The following TMEM160 variants were observed in gnomAD, a reference collection of about 807,000 sequenced individuals.
TMEM160 encodes transmembrane protein 160.
TMEM160 carries 10 observed loss-of-function variants against 13.9 expected under a neutral mutation model. That is an observed-to-expected ratio of 0.72 (90% CI 0.45 to 1.22). The LOEUF is 1.22. TMEM160 is among the 50% of genes most tolerant of loss of function. TMEM160 has a pLI of 0.00. For synonymous variants in TMEM160, 159 were observed against 134.8 expected (o/e 1.18, Z -1.25); for missense variants, 287 against 283.2 (o/e 1.01, Z -0.10).
intron 2 of TMEM160, 109 bp from the exon 3 acceptor site, chr19:47,046,361 T>A: frequency 7.5e-7 from 1 of 1,338,072 alleles, no homozygotes; most frequent in Non-Finnish European, 1.0e-6. Flanking sequence ...GGGGCTAGCC[T>A]GCATCTTTGA....
intron 1 of TMEM160, chr19:47,047,949 C>G: frequency 1.0e-6 from 1 of 985,032 alleles, no homozygotes; most frequent in African/African-American, 1.7e-5. Context: ...TCACCTCCCC[C>G]TCCAATCAGC....
rs773515396 is a variant in TMEM160, at chr19:47,048,544, G to A, written c.71C>T (p.Pro24Leu). 2.7e-6 allele frequency: 4 copies of A among 1,503,920 alleles called. No homozygotes were observed. Among genetic ancestry groups the A allele is most frequent in the African/African-American group, 2.9e-5 (2 of 69,174 alleles). 93.2% of individuals were successfully genotyped at this position (1,503,920 alleles called of 1,614,324 possible). A position where few individuals can be genotyped will look rare whatever the true frequency, so the allele number is the denominator to read the frequency against. Residue 24 changes from proline to leucine, a missense_variant, in exon 1 of 3, where the codon CCG (proline) becomes CTG (leucine). Physicochemically the swap from Pro to Leu is moderately conservative, Grantham distance 98. Transcript: ENST00000253047. Reference protein sequence around the residue: ...ARLRFRRSLLPPQRPRSGGAR... With the variant: ...ARLRFRRSLLLPQRPRSGGAR... ...GCCCCCGCTCCGGGGCCGCTGAGGCGGCAGTAGCGACCTCCGGAAGCGAAG... is the reference window on the plus strand; with the variant it reads ...GCCCCCGCTCCGGGGCCGCTGAGGCAGCAGTAGCGACCTCCGGAAGCGAAG...
In TMEM160 at chr19:47,046,091, G is replaced by A; in HGVS notation, c.463C>T (p.Leu155Phe). ...TCCAGCTCCAGCTGCCCCATGTAGAGGCCCACGGCGCACGCCCAGAGCAGG... is the reference window on the plus strand; with the variant it reads ...TCCAGCTCCAGCTGCCCCATGTAGAAGCCCACGGCGCACGCCCAGAGCAGG... ...ASLLWACAVGLYMGQLELDVE... is the reference protein window; with the variant it reads ...ASLLWACAVGFYMGQLELDVE... Residue 155 changes from leucine (L) to phenylalanine (F), a missense_variant, in exon 3 of 3, where the codon CTC (leucine) becomes TTC (phenylalanine). Coordinates refer to ENST00000253047, the MANE Select transcript of TMEM160 (RefSeq NM_017854.2). The A allele has an allele frequency of 6.5e-7, 1 of 1,538,874 alleles. No individual in the cohort carries two copies. The highest frequency in any genetic ancestry group is 8.7e-7 in the Non-Finnish European group (1 of 1,148,550).
intron 2 of TMEM160, 71 bp downstream of exon 2, chr19:47,046,522 C>T: frequency 7.6e-7 from 1 of 1,314,954 alleles, no homozygotes; most frequent in Non-Finnish European, 1.1e-6. Flanking sequence ...AGAGTCTACT[C>T]TCACCAGGGC....
At chr19:47,046,816 C>A in intron 1 of TMEM160, 131 bp from the exon 2 acceptor site, 1 of 688,270 alleles carries the variant, frequency 1.5e-6, no homozygotes, top group East Asian at 2.7e-5. Context: ...CAAGCCCATC[C>A]CAAATCCTCA....
At position 47,048,392 on chromosome 19, in the gene TMEM160, C is replaced by A. The variant is rs1384255091; in HGVS notation, c.208+15G>T. On this transcript the variant is annotated intron_variant, in intron 1 of 2. Transcript: ENST00000253047. ...CCCCGTCCCATCCGCACCGCCCCCA[C>A]CCCTAGCCACCGACCTGTCTCGTGC... 15 of 1,491,828 alleles carry A rather than the reference C, an allele frequency of 1.0e-5. No individual in the cohort carries two copies. Among genetic ancestry groups the A allele is most frequent in the Non-Finnish European group, 1.2e-5 (14 of 1,129,436 alleles). 92.4% of individuals were successfully genotyped at this position (1,491,828 alleles called of 1,614,324 possible).
intron 1 of TMEM160, chr19:47,047,926 T>C (rs1254543518): frequency 5.1e-6 from 5 of 983,972 alleles, no homozygotes; most frequent in South Asian, 9.4e-5. Flanking sequence ...AGCCCCGCCC[T>C]CTGCAGCCTA....
intron 1 of TMEM160, 34 bp downstream of exon 1, chr19:47,048,373 C>T (rs2057092146): frequency 6.8e-7 from 1 of 1,461,964 alleles, no homozygotes; most frequent in Non-Finnish European, 9.0e-7. Context: ...GGACCCCCGT[C>T]CCATCCGCAC....
At chr19:47,047,650 G>C in intron 1 of TMEM160, 2 of 901,494 alleles carry the variant, frequency 2.2e-6, no homozygotes, top group African/African-American at 3.6e-5. Flanking sequence ...CAAGAGTTCA[G>C]ACCAGCCTGG....
intron 2 of TMEM160, 36 bp from the exon 3 acceptor site, chr19:47,046,288 C>G (rs1230920405): frequency 6.6e-7 from 1 of 1,512,816 alleles, no homozygotes; most frequent in East Asian, 2.5e-5. Flanking sequence ...GGGCCAAGGT[C>G]GGGGGATGGT....
intron 1 of TMEM160, chr19:47,047,367 G>C: frequency 1.0e-6 from 1 of 984,350 alleles, no homozygotes; most frequent in African/African-American, 1.8e-5. Flanking sequence ...AGAACTCTGG[G>C]ACAAACTGTT....
Position 47,046,000 on chromosome 19 carries a change from G to A in TMEM160, c.554C>T (p.Pro185Leu). 1.3e-6 allele frequency: 2 copies of A among 1,537,382 alleles called. No individual in the cohort carries two copies. The highest frequency in any genetic ancestry group is 1.7e-6 in the Non-Finnish European group (2 of 1,148,138). Residue 185 changes from proline (P) to leucine (L), a missense_variant, in exon 3 of 3, where the codon CCG (proline) becomes CTG (leucine). By Grantham distance (98) the Pro-to-Leu change is moderately conservative. Coordinates refer to ENST00000253047, the MANE Select transcript of TMEM160 (RefSeq NM_017854.2). Reference protein sequence around the residue: ...SAEGPDEAGRPPPE With the variant: ...SAEGPDEAGRLPPE ...CGGCCGTGTCGCTCACTCGGGTGGC[G>A]GCCGACCCGCCTCATCAGGGCCTTC...
rs751013454 is a variant in TMEM160 at position 47,046,574 on chromosome 19, AG to A, written c.301+18del. On this transcript the variant is annotated intron_variant, in intron 2 of 2. Coordinates refer to ENST00000253047, the MANE Select transcript of TMEM160 (RefSeq NM_017854.2). ...GCATTCCCTGGTTCCGTGGGGCGAG[AG>A]GGGGGGTCTGCACTCACCATATGCT... 26 of 1,587,178 alleles carry A rather than the reference AG, an allele frequency of 1.6e-5. No individual in the cohort carries two copies. The highest frequency in any genetic ancestry group is 5.1e-5 in the Admixed American group (3 of 59,068).
In TMEM160 at chr19:47,046,232, G is replaced by C. The variant is rs1177913196; in HGVS notation, c.322C>G (p.Leu108Val). The C allele has an allele frequency of 3.3e-6, 5 of 1,536,850 alleles. No individual in the cohort carries two copies. In the South Asian group the frequency reaches 4.8e-5, roughly 15 times the overall value. Reference protein sequence around the residue: ...AAYGFFLLGGLCVVWGSASYA... With the variant: ...AAYGFFLLGGVCVVWGSASYA... The stretch of plus-strand genomic sequence containing the variant: ...GAGGCGCTGCCCCACACCACGCACA[G>C]GCCGCCCAGCAGGAAGAAGCCTGCG... The change falls in exon 3 of 3, where the codon CTG (leucine) becomes GTG (valine). Residue 108 changes from leucine to valine, a missense_variant. By Grantham distance (32) the Leu-to-Val change is conservative. Coordinates refer to ENST00000253047, the MANE Select transcript of TMEM160 (RefSeq NM_017854.2).
Position 47,048,575 on chromosome 19 carries a change from C to A in TMEM160, c.40G>T (p.Ala14Ser), listed in dbSNP as rs1165299355. The A allele has an allele frequency of 7.2e-6, 11 of 1,522,028 alleles. No individual in the cohort carries two copies. The highest frequency in any genetic ancestry group is 4.0e-5 in the Admixed American group (2 of 50,126). The allele number at this position is 1,522,028 out of a possible 1,614,324, so 94.3% of individuals were successfully genotyped here. A position where few individuals can be genotyped will look rare whatever the true frequency, so the allele number is the denominator to read the frequency against. Residue 14 changes from alanine (A) to serine (S), a missense_variant, in exon 1 of 3, where the codon GCC becomes TCC. Coordinates refer to ENST00000253047, the MANE Select transcript of TMEM160 (RefSeq NM_017854.2). The stretch of plus-strand genomic sequence containing the variant: ...AGCGACCTCCGGAAGCGAAGACGGG[C>A]AAGGCGAGCGGCCCGAGCCCACCAC... ...GWWWARAARL[A>S]RLRFRRSLLP...
chr19:47,047,542 A>C (rs2057087255), intron 1 of TMEM160: 1 of 971,618 alleles, frequency 1.0e-6, no homozygotes, highest in African/African-American at 2.2e-5. Context: ...ACAGCCCACC[A>C]CACCCTATAT....
chr19:47,046,946 T>C (rs1340758503), intron 1 of TMEM160, among the ~76,000 whole-genome samples: 1 of 152,196 alleles, frequency 6.6e-6, no homozygotes, highest in African/African-American at 2.4e-5. Context: ...GTGTGGTGGC[T>C]CACCCCTGTA....
rs752067360 is a variant in TMEM160, at chr19:47,048,363, G to A, written c.208+44C>T. Reference sequence around the variant, plus strand: ...CCCATCAAGGTCCCACGCGAGCCCGGGACCCCCGTCCCATCCGCACCGCCC... The same window carrying A: ...CCCATCAAGGTCCCACGCGAGCCCGAGACCCCCGTCCCATCCGCACCGCCC... On this transcript the variant is annotated intron_variant, in intron 1 of 2. Coordinates refer to ENST00000253047, the MANE Select transcript of TMEM160 (RefSeq NM_017854.2). 1.0e-5 allele frequency: 15 copies of A among 1,440,462 alleles called. No homozygotes were observed. In the South Asian group the frequency reaches 1.6e-4, roughly 15 times the overall value. The allele number at this position is 1,440,462 out of a possible 1,614,324, so 89.2% of individuals were successfully genotyped here. A position where few individuals can be genotyped will look rare whatever the true frequency, so the allele number is the denominator to read the frequency against.
rs1011567275 is a variant in TMEM160 at position 47,047,631 on chromosome 19, C to T, written c.208+776G>A. 6.2e-6 allele frequency: 6 copies of T among 967,950 alleles called. No individual in the cohort carries two copies. The African/African-American group carries it at 1.1e-4, about 17-fold the overall frequency. 60.0% of individuals were successfully genotyped at this position (967,950 alleles called of 1,614,324 possible). A position where few individuals can be genotyped will look rare whatever the true frequency, so the allele number is the denominator to read the frequency against. ...TTTGGGAAGCCAAGGCAGGAGGATTCTCTGAGCCCAAGAGTTCAGACCAGC... is the reference window on the plus strand; with the variant it reads ...TTTGGGAAGCCAAGGCAGGAGGATTTTCTGAGCCCAAGAGTTCAGACCAGC... On this transcript the variant is annotated intron_variant, in intron 1 of 2. Transcript: ENST00000253047.
Sources: gnomAD v4.1 joint callset for allele counts (sites outside exome capture counted in the v4.1 genomes callset) on GRCh38, gnomAD v4.1.1 for gene constraint, MANE v1.5 for transcripts, NCBI Gene and HGNC (gene_info 2026-07-23, HGNC 2026-07-21) for gene names.